The following SEL1L2 variants were observed in gnomAD, a reference collection of about 807,000 sequenced individuals.
SEL1L2 encodes protein sel-1 homolog 2.
In SEL1L2, 89 loss-of-function variants were observed where a neutral mutation model predicts 98.8. The ratio of observed to expected loss-of-function variants is 0.90; its 90% CI spans 0.76 to 1.07. The LOEUF (loss-of-function observed/expected upper bound fraction) is 1.07. Ranked by LOEUF, SEL1L2 falls within the 50% of genes least tolerant of loss-of-function variation. The pLI is 0.00. For synonymous variants in SEL1L2, 262 were observed against 278.5 expected, an observed-to-expected ratio of 0.94 and a Z score of 0.59; for missense variants, 788 against 812.0, an observed-to-expected ratio of 0.97 and a Z score of 0.36.
At chr20:13,947,154 T>C (rs1028284815) in intron 2 of SEL1L2, among the ~76,000 whole-genome samples, 1 of 151,572 alleles carries the variant, frequency 6.6e-6, no homozygotes, top group Non-Finnish European at 1.5e-5. Context: ...AGTCTGTAGC[T>C]GGGAGTGAGA....
intron 5 of SEL1L2, among the ~76,000 whole-genome samples, chr20:13,895,910 C>G (rs1470501927): frequency 6.6e-6 from 1 of 152,150 alleles, no homozygotes; most frequent in African/African-American, 2.4e-5. Context: ...TGGTGGCTCA[C>G]GCCTGTAATC....
At chr20:13,915,026 T>G (rs920565269) in intron 4 of SEL1L2, 1 of 1,079,670 alleles carries the variant, frequency 9.3e-7, no homozygotes, top group African/African-American at 1.7e-5. Context: ...CCAGAAAGCG[T>G]TAACTTCTAC....
intron 17 of SEL1L2, 88 bp downstream of exon 17, chr20:13,865,079 A>G: frequency 1.1e-6 from 1 of 907,858 alleles, no homozygotes; most frequent in Admixed American, 2.0e-5. Flanking sequence ...TTTGCTGCCT[A>G]TGTGCACAAA....
At chr20:13,869,854 T>C (rs1249891562) in intron 13 of SEL1L2, among the ~76,000 whole-genome samples, 3 of 152,186 alleles carry the variant, frequency 2.0e-5, no homozygotes, top group Non-Finnish European at 4.4e-5. Context: ...CAAAAGACTA[T>C]GAAGATAAAT....
chr20:13,878,199 T>G (rs1398987325), intron 10 of SEL1L2, among the ~76,000 whole-genome samples: 1 of 152,186 alleles, frequency 6.6e-6, no homozygotes, highest in African/African-American at 2.4e-5. Flanking sequence ...CCTTGTCCCT[T>G]GCTGCCACAC....
intron 1 of SEL1L2, among the ~76,000 whole-genome samples, chr20:13,979,047 G>A (rs939932924): frequency 1.3e-5 from 2 of 152,128 alleles, no homozygotes; most frequent in African/African-American, 2.4e-5. Context: ...GCAACAGAGT[G>A]AGACTCGTCT....
chr20:13,920,865 C>T (rs2048636980), intron 3 of SEL1L2, among the ~76,000 whole-genome samples: 1 of 151,916 alleles, frequency 6.6e-6, no homozygotes, highest in Non-Finnish European at 1.5e-5. Flanking sequence ...ACTGAAAAGC[C>T]TATTTAAAAT....
chr20:13,892,573 C>T (rs527945260), intron 5 of SEL1L2, among the ~76,000 whole-genome samples: 3 of 151,282 alleles, frequency 2.0e-5, no homozygotes, highest in African/African-American at 7.3e-5. Flanking sequence ...CAAAAACAAA[C>T]ACACACAACT....
intron 1 of SEL1L2, among the ~76,000 whole-genome samples, chr20:13,983,044 A>AAAAAAAAAAAAAAAAAAAAAAC (rs2051932584): frequency 2.1e-5 from 3 of 144,294 alleles, no homozygotes; most frequent in Non-Finnish European, 3.0e-5. Context: ...AAAAAAAAAA[A>AAAAAAAAAAAAAAAAAAAAAAC]AAAAGCAGCA....
intron 5 of SEL1L2, among the ~76,000 whole-genome samples, chr20:13,904,403 C>T (rs966634133): frequency 6.6e-6 from 1 of 152,028 alleles, no homozygotes; most frequent in African/African-American, 2.4e-5. Context: ...TGGTGTGAGC[C>T]TATAATCCCA....
chr20:13,874,024 G>C (rs980316350), intron 12 of SEL1L2, among the ~76,000 whole-genome samples: 1 of 152,172 alleles, frequency 6.6e-6, no homozygotes, highest in Admixed American at 6.5e-5. Flanking sequence ...CTCTGTGGAT[G>C]AAGGGAGGAT....
intron 5 of SEL1L2, among the ~76,000 whole-genome samples, chr20:13,905,309 C>CTTTT (rs34326096): frequency 4.5e-5 from 6 of 132,972 alleles, no homozygotes; most frequent in Admixed American, 7.8e-5. Flanking sequence ...TGTCCTATAA[C>CTTTT]TTTTTTTTTT....
chr20:13,882,256 G>A (rs982717392), intron 10 of SEL1L2, among the ~76,000 whole-genome samples: 1 of 152,138 alleles, frequency 6.6e-6, no homozygotes, highest in Non-Finnish European at 1.5e-5. Flanking sequence ...TCTCCCTTAT[G>A]TATCTCCCCT....
At chr20:13,881,053 C>T (rs543893805) in intron 10 of SEL1L2, among the ~76,000 whole-genome samples, 31 of 152,262 alleles carry the variant, frequency 2.0e-4, no homozygotes, top group African/African-American at 7.0e-4. Flanking sequence ...CTCACTCTGT[C>T]GCCAGGCTGG....
At chr20:13,906,223 G>A (rs980469346) in intron 5 of SEL1L2, among the ~76,000 whole-genome samples, 19 of 152,102 alleles carry the variant, frequency 1.2e-4, no homozygotes, top group Admixed American at 3.3e-4. Context: ...TGTTTTTAAG[G>A]AACTGTTACA....
At chr20:13,898,016 C>A (rs941414273) in intron 5 of SEL1L2, among the ~76,000 whole-genome samples, 1 of 152,002 alleles carries the variant, frequency 6.6e-6, no homozygotes, top group Non-Finnish European at 1.5e-5. Flanking sequence ...GAAATAGGAA[C>A]CTGTGCACTG....
intron 18 of SEL1L2, among the ~76,000 whole-genome samples, chr20:13,855,970 T>C (rs1001318654): frequency 1.3e-5 from 2 of 152,114 alleles, no homozygotes; most frequent in Non-Finnish European, 2.9e-5. Context: ...AACACTAGAA[T>C]TGAAGACCCC....
chr20:13,849,554 G>A lies in SEL1L2; in HGVS notation c.1998C>T (p.His666=), dbSNP rs200162045. 2 of 1,614,036 alleles carry A rather than the reference G, an allele frequency of 1.2e-6. No homozygotes were observed. The highest frequency in any genetic ancestry group is 1.7e-6 in the Non-Finnish European group (2 of 1,179,928). ...TGAGGCCAATCACAAATAAGTCCCAGTGTGGTCCAATGGTGTTGTCCAGTT... is the reference window on the plus strand; with the variant it reads ...TGAGGCCAATCACAAATAAGTCCCAATGTGGTCCAATGGTGTTGTCCAGTT... ...WLKLDNTIGP[H]WDLFVIGLIV... Residue 666 remains histidine, a synonymous_variant, in exon 20 of 20, where the codon CAC becomes CAT. Coordinates refer to ENST00000284951, the MANE Select transcript of SEL1L2 (RefSeq NM_025229.2).
chr20:13,976,528 T>C (rs935889996), intron 1 of SEL1L2, among the ~76,000 whole-genome samples: 13 of 152,116 alleles, frequency 8.5e-5, no homozygotes, highest in African/African-American at 2.7e-4. Context: ...ATAGTTTGAA[T>C]TGGTTGAAAT....
Sources: allele counts gnomAD v4.1 joint callset (sites outside exome capture counted in the v4.1 genomes callset), GRCh38; gene constraint gnomAD v4.1.1; transcripts MANE v1.5; gene names NCBI Gene and HGNC (gene_info 2026-07-23, HGNC 2026-07-21).